The following RNGTT variants were observed in gnomAD, a reference collection of about 807,000 sequenced individuals.
RNGTT encodes the protein mRNA-capping enzyme.
RNGTT carries 33 observed loss-of-function variants against 79.3 expected under a neutral mutation model. That is an observed-to-expected ratio of 0.42 (90% CI 0.32 to 0.56). RNGTT has a LOEUF of 0.56. Among genes scored for constraint, RNGTT ranks in the 20% least tolerant of loss-of-function variants. The pLI is 0.17. For synonymous variants in RNGTT, 222 were observed against 235.9 expected, an observed-to-expected ratio of 0.94 and a Z score of 0.54; for missense variants, 497 against 739.1, an observed-to-expected ratio of 0.67 and a Z score of 3.80.
At chr6:88,902,444 A>G (rs188581755) in intron 6 of RNGTT, among the ~76,000 whole-genome samples, 372 of 152,152 alleles carry the variant, frequency 2.4e-3, no homozygotes, top group Non-Finnish European at 4.1e-3. Flanking sequence ...TACAAAAAAA[A>G]TAATAAAATT....
At chr6:88,962,358 G>A (rs929726218) in intron 1 of RNGTT, among the ~76,000 whole-genome samples, 2 of 152,090 alleles carry the variant, frequency 1.3e-5, no homozygotes, top group Non-Finnish European at 2.9e-5. Context: ...CCGGCCAAGC[G>A]GGGTGGCTCT....
intron 2 of RNGTT, among the ~76,000 whole-genome samples, chr6:88,930,595 C>A (rs540843236): frequency 6.6e-6 from 1 of 152,166 alleles, no homozygotes; most frequent in South Asian, 2.1e-4. Context: ...ATAAAATCCA[C>A]ACATTCATAA....
intron 14 of RNGTT, among the ~76,000 whole-genome samples, chr6:88,618,792 G>T (rs1015899951): frequency 2.0e-5 from 3 of 152,154 alleles, no homozygotes; most frequent in Non-Finnish European, 4.4e-5. Flanking sequence ...TACTTCTCAA[G>T]ATTTTAAATT....
chr6:88,873,775 A>G (rs772414424), intron 8 of RNGTT, among the ~76,000 whole-genome samples: 4 of 152,298 alleles, frequency 2.6e-5, no homozygotes, highest in Non-Finnish European at 4.4e-5. Context: ...TTATAAGACC[A>G]GAATCACAAG....
chr6:88,669,865 G>C (rs182995911), intron 14 of RNGTT, among the ~76,000 whole-genome samples: 1 of 152,206 alleles, frequency 6.6e-6, no homozygotes, highest in Non-Finnish European at 1.5e-5. Context: ...GAGTGGTCCC[G>C]TGAAAGAATC....
At chr6:88,855,800 C>T (rs1022556694) in intron 8 of RNGTT, among the ~76,000 whole-genome samples, 1 of 152,196 alleles carries the variant, frequency 6.6e-6, no homozygotes, top group Non-Finnish European at 1.5e-5. Context: ...GTTCGCAAGA[C>T]CCTCTGGCAC....
At position 88,743,264 on chromosome 6, in the gene RNGTT, C is replaced by T. The variant is rs184648434; in HGVS notation, c.1439+26510G>A. 8.5e-5 allele frequency among the ~76,000 whole-genome samples: 13 copies of T among 152,168 alleles called. No individual in the cohort carries two copies. The East Asian group carries it at 1.3e-3, about 16-fold the overall frequency. On this transcript the variant is annotated intron_variant, in intron 13 of 15. Coordinates refer to ENST00000369485, the MANE Select transcript of RNGTT (RefSeq NM_003800.5). ...AGACTTATGTGATTTTAGACAAGTT[C>T]CTGAACCACTTTAAAGAAGTTTACT...
rs147674221 is a variant in RNGTT, at chr6:88,777,695, G to T, written c.1339-7821C>A. ...CTTTATTGAATTAACAGGTTTTTTTGATGTAACAGTCTTTTTCTACATATA... is the reference window on the plus strand; with the variant it reads ...CTTTATTGAATTAACAGGTTTTTTTTATGTAACAGTCTTTTTCTACATATA... On this transcript the variant is annotated intron_variant, in intron 12 of 15. Transcript: ENST00000369485. 5.1e-3 allele frequency among the ~76,000 whole-genome samples: 773 copies of T among 152,106 alleles called. 5 individuals are homozygous for T. The highest frequency in any genetic ancestry group is 0.017 in the African/African-American group (702 of 41,506).
At chr6:88,833,090 A>G (rs769219920) in intron 11 of RNGTT, among the ~76,000 whole-genome samples, 2 of 152,204 alleles carry the variant, frequency 1.3e-5, no homozygotes, top group Non-Finnish European at 2.9e-5. Context: ...TAACCAAAGG[A>G]GTATAAATCA....
intron 13 of RNGTT, among the ~76,000 whole-genome samples, chr6:88,704,901 GTCAGAC>G (rs1202725417): frequency 6.6e-6 from 1 of 151,986 alleles, no homozygotes; most frequent in East Asian, 1.9e-4. Context: ...TATAGGATAT[GTCAGAC>G]TCTGGACCAG....
chr6:88,758,666 T>C lies in RNGTT; in HGVS notation c.1439+11108A>G, dbSNP rs1483892695. ...GGTATAGTACTGAACTAGTACATAA[T>C]GTTCATTTTATCCTCACTGCTGATG... On this transcript the variant is annotated intron_variant, in intron 13 of 15. Transcript: ENST00000369485. 2.0e-5 allele frequency among the ~76,000 whole-genome samples: 3 copies of C among 151,316 alleles called. No individual in the cohort carries two copies. In the East Asian group the frequency reaches 5.8e-4, roughly 29 times the overall value.
chr6:88,842,126 G>A (rs1176050586), intron 11 of RNGTT, among the ~76,000 whole-genome samples: 1 of 152,086 alleles, frequency 6.6e-6, no homozygotes, highest in Non-Finnish European at 1.5e-5. Context: ...AAACAAGGAA[G>A]AAAGGAAAAC....
At chr6:88,866,637 C>T (rs1782174967) in intron 8 of RNGTT, among the ~76,000 whole-genome samples, 1 of 152,150 alleles carries the variant, frequency 6.6e-6, no homozygotes, top group African/African-American at 2.4e-5. Flanking sequence ...AGTAAGGACT[C>T]TAATAACTGG....
At chr6:88,647,034 A>G (rs1198181268) in intron 14 of RNGTT, among the ~76,000 whole-genome samples, 2 of 139,688 alleles carry the variant, frequency 1.4e-5, no homozygotes, top group East Asian at 3.9e-4. Flanking sequence ...AAATATATAT[A>G]TGAAAATAAA....
intron 11 of RNGTT, 41 bp from the exon 12 acceptor site, chr6:88,801,673 A>C: frequency 7.7e-7 from 1 of 1,300,628 alleles, no homozygotes; most frequent in Non-Finnish European, 1.1e-6. Flanking sequence ...AAATATAATA[A>C]TCACTTTAAA....
At chr6:88,696,693 T>C (rs1216168100) in intron 13 of RNGTT, among the ~76,000 whole-genome samples, 2 of 152,294 alleles carry the variant, frequency 1.3e-5, no homozygotes, top group South Asian at 2.1e-4. Flanking sequence ...ATTTCCTGTG[T>C]TGGGAAATTC....
chr6:88,627,103 TA>T (rs1452367365), intron 14 of RNGTT, among the ~76,000 whole-genome samples: 3 of 152,128 alleles, frequency 2.0e-5, no homozygotes, highest in African/African-American at 7.2e-5. Flanking sequence ...TTTATAGTTA[TA>T]CATACAATGA....
chr6:88,669,207 T>G lies in RNGTT; in HGVS notation c.1506+9146A>C, dbSNP rs374142160. 3.9e-5 allele frequency among the ~76,000 whole-genome samples: 6 copies of G among 152,278 alleles called. No homozygotes were observed. In the East Asian group the frequency reaches 9.6e-4, roughly 24 times the overall value. On this transcript the variant is annotated intron_variant, in intron 14 of 15. Coordinates refer to ENST00000369485, the MANE Select transcript of RNGTT (RefSeq NM_003800.5). Reference sequence around the variant, plus strand: ...CCCCCAAACCAGTGTTCCAGACCTTTTATGATGAACTAAATGTGCCAATAC... The same window carrying G: ...CCCCCAAACCAGTGTTCCAGACCTTGTATGATGAACTAAATGTGCCAATAC...
At chr6:88,797,438 A>T (rs1779634481) in intron 12 of RNGTT, among the ~76,000 whole-genome samples, 1 of 152,160 alleles carries the variant, frequency 6.6e-6, no homozygotes, top group South Asian at 2.1e-4. Context: ...CAGAGAAGAA[A>T]GGTAAAAGGG....
Sources: gnomAD v4.1 joint callset for allele counts (sites outside exome capture counted in the v4.1 genomes callset) on GRCh38, gnomAD v4.1.1 for gene constraint, MANE v1.5 for transcripts, NCBI Gene and HGNC (gene_info 2026-07-23, HGNC 2026-07-21) for gene names.